CNTNAP4: variants seen among roughly 807,000 people sequenced by gnomAD.
CNTNAP4 encodes contactin associated protein family member 4.
CNTNAP4 carries 98 observed loss-of-function variants against 148.4 expected under a neutral mutation model. That is an observed-to-expected ratio of 0.66 (90% CI 0.56 to 0.78). CNTNAP4 has a LOEUF of 0.78. Ranked by LOEUF, CNTNAP4 falls within the 30% of genes least tolerant of loss-of-function variation. The pLI, the probability that CNTNAP4 is intolerant of heterozygous loss-of-function variation, is 0.00. For missense variants in CNTNAP4, 1,935 were observed against 1,565.6 expected (o/e 1.24, Z -3.98); for synonymous variants, 730 against 565.1 (o/e 1.29, Z -4.14).
chr16:76,456,279 T>G (rs556624209), intron 8 of CNTNAP4, among the ~76,000 whole-genome samples: 8 of 152,322 alleles, frequency 5.3e-5, no homozygotes, highest in African/African-American at 1.9e-4. Flanking sequence ...TGTTAGCTGA[T>G]TTGAGGGAGG....
chr16:76,383,839 A>G (rs1371593467), intron 3 of CNTNAP4, among the ~76,000 whole-genome samples: 1 of 152,168 alleles, frequency 6.6e-6, no homozygotes, highest in Non-Finnish European at 1.5e-5. Flanking sequence ...GTGTAGGCGA[A>G]ATAAAATTGG....
rs373997739 is a variant in CNTNAP4, at chr16:76,464,523, G to A, written c.1483+2418G>A. 6.0e-4 allele frequency among the ~76,000 whole-genome samples: 91 copies of A among 152,282 alleles called. 2 individuals are homozygous for A. The South Asian group carries it at 0.018, about 30-fold the overall frequency. On this transcript the variant is annotated intron_variant, in intron 9 of 23. Transcript: ENST00000611870. ...CTATCACTAGGATCTGTGTTGTCTA[G>A]GTGGAAAGTGTTTTTTAGATAATTC...
chr16:76,385,351 G>A (rs1008793202), intron 3 of CNTNAP4, among the ~76,000 whole-genome samples: 2 of 151,904 alleles, frequency 1.3e-5, no homozygotes, highest in African/African-American at 4.8e-5. Flanking sequence ...ACTAGAGATT[G>A]TTTTTAAGAT....
chr16:76,366,130 A>G (rs1322075717), intron 3 of CNTNAP4, among the ~76,000 whole-genome samples: 1 of 152,136 alleles, frequency 6.6e-6, no homozygotes, highest in African/African-American at 2.4e-5. Context: ...GTCAAATTAT[A>G]AAAAATTTGC....
At chr16:76,554,883 G>A (rs963476515) in intron 23 of CNTNAP4, among the ~76,000 whole-genome samples, 1 of 151,952 alleles carries the variant, frequency 6.6e-6, no homozygotes, top group Admixed American at 6.6e-5. Flanking sequence ...ACCTTCTCAA[G>A]ATGGCTTCTT....
At chr16:76,308,980 T>G (rs528506706) in intron 1 of CNTNAP4, among the ~76,000 whole-genome samples, 17 of 151,878 alleles carry the variant, frequency 1.1e-4, no homozygotes, top group Non-Finnish European at 2.1e-4. Flanking sequence ...TAATTTTTTT[T>G]TTTTTTTAAA....
At chr16:76,325,951 C>T (rs1036395228) in intron 2 of CNTNAP4, among the ~76,000 whole-genome samples, 3 of 152,012 alleles carry the variant, frequency 2.0e-5, no homozygotes, top group African/African-American at 7.2e-5. Context: ...AAATATTTCT[C>T]TACCTGTAAG....
intron 17 of CNTNAP4, among the ~76,000 whole-genome samples, chr16:76,527,425 C>T (rs758670295): frequency 3.9e-5 from 6 of 152,090 alleles, no homozygotes; most frequent in Non-Finnish European, 8.8e-5. Context: ...ATTCCCCTTA[C>T]TTGCAAGTTC....
chr16:76,291,354 C>A (rs1959107488), intron 1 of CNTNAP4, among the ~76,000 whole-genome samples: 1 of 152,138 alleles, frequency 6.6e-6, no homozygotes, highest in South Asian at 2.1e-4. Flanking sequence ...ATCCATCAGC[C>A]ACCACTGCCT....
intron 15 of CNTNAP4, among the ~76,000 whole-genome samples, chr16:76,513,933 T>C (rs1041469538): frequency 3.9e-5 from 6 of 152,196 alleles, no homozygotes; most frequent in Non-Finnish European, 7.3e-5. Flanking sequence ...AATCACTCTA[T>C]CTCATGTTTT....
At position 76,560,217 on chromosome 16, in the gene CNTNAP4, A is replaced by T. The variant is rs766716217; in HGVS notation, c.*1534A>T. Among the ~76,000 whole-genome samples the T allele has an allele frequency of 9.9e-5, 15 of 152,208 alleles. No individual in the cohort carries two copies. The highest frequency in any genetic ancestry group is 1.8e-4 in the Non-Finnish European group (12 of 68,028). On this transcript the variant is annotated 3_prime_UTR_variant, in exon 24 of 24. Coordinates refer to ENST00000611870, the MANE Select transcript of CNTNAP4 (RefSeq NM_033401.5). ...CTATTGGATTTCTTAGTTTGTCTAC[A>T]CCAGAAGAATCGGGAAATATGTAAA...
chr16:76,301,052 A>G (rs1959909378), intron 1 of CNTNAP4, among the ~76,000 whole-genome samples: 1 of 152,202 alleles, frequency 6.6e-6, no homozygotes, highest in Admixed American at 6.5e-5. Context: ...CTAACATGGA[A>G]ATTATAACTT....
chr16:76,325,669 GA>G (rs1962895287), intron 2 of CNTNAP4, among the ~76,000 whole-genome samples: 1 of 151,516 alleles, frequency 6.6e-6, no homozygotes, highest in African/African-American at 2.4e-5. Context: ...TATGACAAAA[GA>G]AAAAAGGTTA....
intron 3 of CNTNAP4, among the ~76,000 whole-genome samples, chr16:76,368,538 T>C (rs955768720): frequency 2.6e-5 from 4 of 152,152 alleles, no homozygotes; most frequent in Non-Finnish European, 5.9e-5. Flanking sequence ...TGGATGAAGC[T>C]GGAAACCATC....
At position 76,507,591 on chromosome 16, in the gene CNTNAP4, A is replaced by T. The variant is rs1480427246; in HGVS notation, c.2365+8897A>T. On this transcript the variant is annotated intron_variant, in intron 15 of 23. Transcript: ENST00000611870. Reference sequence around the variant, plus strand: ...GGCTGAAATAAAAAGAGGAAAAAAAAGCACATTTTTCTATATAGGTAGTTT... The same window carrying T: ...GGCTGAAATAAAAAGAGGAAAAAAATGCACATTTTTCTATATAGGTAGTTT... Among the ~76,000 whole-genome samples, 7 of 97,994 alleles carry T rather than the reference A, an allele frequency of 7.1e-5. 3 individuals are homozygous for T. Among genetic ancestry groups the T allele is most frequent in the Non-Finnish European group, 1.7e-4 (6 of 34,488 alleles). 64.3% of individuals were successfully genotyped at this position (97,994 alleles called of 152,430 possible). A position where few individuals can be genotyped will look rare whatever the true frequency, so the allele number is the denominator to read the frequency against.
intron 12 of CNTNAP4, among the ~76,000 whole-genome samples, chr16:76,484,513 G>A (rs1304095430): frequency 6.6e-6 from 1 of 152,094 alleles, no homozygotes; most frequent in African/African-American, 2.4e-5. Flanking sequence ...GCAACCCAGT[G>A]AGAAATACGT....
intron 3 of CNTNAP4, among the ~76,000 whole-genome samples, chr16:76,420,119 G>C (rs551048188): frequency 6.0e-4 from 62 of 103,686 alleles, no homozygotes; most frequent in Non-Finnish European, 1.3e-3. Context: ...TTGTGGTGCA[G>C]TGTAGAGCAG....
chr16:76,555,254 C>T lies in CNTNAP4; in HGVS notation c.3733+1347C>T, dbSNP rs146245464. ...AATCTTTGTGTGGATATTAACTCCC[C>T]CATGCTATTTCAGTTGCTTTTCTGT... On this transcript the variant is annotated intron_variant, in intron 23 of 23. Coordinates refer to ENST00000611870, the MANE Select transcript of CNTNAP4 (RefSeq NM_033401.5). Among the ~76,000 whole-genome samples the T allele has an allele frequency of 2.4e-4, 36 of 152,182 alleles. 1 individual carries two copies. The Middle Eastern group carries it at 0.017, about 72-fold the overall frequency.
chr16:76,521,043 A>G (rs1306095593), intron 15 of CNTNAP4, 97 bp from the exon 16 acceptor site: 2 of 1,176,846 alleles, frequency 1.7e-6, no homozygotes, highest in African/African-American at 3.1e-5. Flanking sequence ...TTAAATAGCA[A>G]AAGTGCTAAA....
Sources: allele counts gnomAD v4.1 joint callset (sites outside exome capture counted in the v4.1 genomes callset), GRCh38; gene constraint gnomAD v4.1.1; transcripts MANE v1.5; gene names NCBI Gene and HGNC (gene_info 2026-07-23, HGNC 2026-07-21).